The following ARHGAP10 variants were observed in gnomAD, a reference collection of about 807,000 sequenced individuals.
ARHGAP10 encodes rho GTPase-activating protein 10.
ARHGAP10 carries 87 observed loss-of-function variants against 108.6 expected under a neutral mutation model. The observed-to-expected ratio is 0.80, with a 90% CI of 0.67 to 0.96. ARHGAP10 has a LOEUF of 0.96. ARHGAP10 is among the 40% of genes least tolerant of loss of function. The probability of loss-of-function intolerance (pLI) is 0.00; values close to 1 mark genes in which losing one functional copy is unlikely to be tolerated. For missense variants in ARHGAP10, 939 were observed against 954.5 expected (o/e 0.98, Z 0.21); for synonymous variants, 347 against 341.1 (o/e 1.02, Z -0.19).
At position 148,072,364 on chromosome 4, in the gene ARHGAP10, G is replaced by C; in HGVS notation, c.*283G>C. 1 of 368,730 alleles carries C rather than the reference G, an allele frequency of 2.7e-6. No individual in the cohort carries two copies. The highest frequency in any genetic ancestry group is 4.5e-5 in the East Asian group (1 of 22,352). 22.8% of individuals were successfully genotyped at this position (368,730 alleles called of 1,614,324 possible). A position where few individuals can be genotyped will look rare whatever the true frequency, so the allele number is the denominator to read the frequency against. On this transcript the variant is annotated 3_prime_UTR_variant, in exon 23 of 23. Coordinates refer to ENST00000336498, the MANE Select transcript of ARHGAP10 (RefSeq NM_024605.4). ...GTGATTTTTAATTATCCAGCATATA[G>C]AATGAGAGGGAGGGCAGCCTTCTGC...
At chr4:147,958,478 T>A (rs1381893990) in intron 16 of ARHGAP10, among the ~76,000 whole-genome samples, 1 of 152,220 alleles carries the variant, frequency 6.6e-6, no homozygotes, top group African/African-American at 2.4e-5. Context: ...TCCAAGACAT[T>A]GGTGTTTACC....
rs1227374292 is a variant in ARHGAP10 at position 147,965,012 on chromosome 4, T to G, written c.1451-12T>G. 6 of 1,520,572 alleles carry G rather than the reference T, an allele frequency of 3.9e-6. No homozygotes were observed. Among genetic ancestry groups the G allele is most frequent in the Non-Finnish European group, 5.3e-6 (6 of 1,136,588 alleles). The allele number at this position is 1,520,572 out of a possible 1,614,324, so 94.2% of individuals were successfully genotyped here. A position where few individuals can be genotyped will look rare whatever the true frequency, so the allele number is the denominator to read the frequency against. On this transcript the variant is annotated splice_polypyrimidine_tract_variant and intron_variant, in intron 16 of 22. Coordinates refer to ENST00000336498, the MANE Select transcript of ARHGAP10 (RefSeq NM_024605.4). ...TTTATTTTTTTCTTTATTATTATTT[T>G]TTTTTTGGAAGAAAGCGGCAGCCCA...
intron 8 of ARHGAP10, among the ~76,000 whole-genome samples, chr4:147,876,176 C>T (rs1579147874): frequency 6.6e-6 from 1 of 152,318 alleles, no homozygotes; most frequent in East Asian, 1.9e-4. Flanking sequence ...CTTATTTAAT[C>T]TGGAATCTCG....
chr4:147,896,752 T>A (rs900199384), intron 10 of ARHGAP10, among the ~76,000 whole-genome samples: 1 of 152,178 alleles, frequency 6.6e-6, no homozygotes, highest in African/African-American at 2.4e-5. Context: ...GGCATTTGAA[T>A]CTATAAGTTT....
chr4:148,020,495 A>G (rs1741524391), intron 18 of ARHGAP10, among the ~76,000 whole-genome samples: 1 of 150,634 alleles, frequency 6.6e-6, no homozygotes, highest in South Asian at 2.1e-4. Context: ...CCAGGTGTCC[A>G]TGGGTTCTCT....
chr4:147,769,285 A>T (rs1368366425), intron 1 of ARHGAP10, among the ~76,000 whole-genome samples: 1 of 152,220 alleles, frequency 6.6e-6, no homozygotes, highest in African/African-American at 2.4e-5. Context: ...GAAGGTAATT[A>T]GGGAAATTAC....
At chr4:147,934,000 G>A (rs1474305885) in intron 13 of ARHGAP10, among the ~76,000 whole-genome samples, 2 of 152,168 alleles carry the variant, frequency 1.3e-5, no homozygotes, top group South Asian at 2.1e-4. Context: ...CCCAGGCTGC[G>A]AGACATGGGT....
chr4:147,824,580 T>G (rs1358082951), intron 3 of ARHGAP10, among the ~76,000 whole-genome samples: 1 of 152,144 alleles, frequency 6.6e-6, no homozygotes, highest in Non-Finnish European at 1.5e-5. Flanking sequence ...TGGGGAGGCC[T>G]CGGGAAACTT....
chr4:148,057,887 G>T (rs1211274698), intron 20 of ARHGAP10, among the ~76,000 whole-genome samples: 1 of 152,214 alleles, frequency 6.6e-6, no homozygotes, highest in African/African-American at 2.4e-5. Flanking sequence ...GACTGTAAAT[G>T]ATGAGCCAGT....
intron 14 of ARHGAP10, among the ~76,000 whole-genome samples, chr4:147,945,395 A>T (rs752779273): frequency 2.6e-5 from 4 of 152,038 alleles, no homozygotes; most frequent in Non-Finnish European, 5.9e-5. Context: ...CTGACTTACC[A>T]TTTGAAAGGA....
chr4:148,025,446 TGATAA>T (rs1741731341), intron 19 of ARHGAP10, among the ~76,000 whole-genome samples: 1 of 152,114 alleles, frequency 6.6e-6, no homozygotes, highest in African/African-American at 2.4e-5. Flanking sequence ...AGAGGTTATA[TGATAA>T]GATAAAGCAA....
intron 5 of ARHGAP10, among the ~76,000 whole-genome samples, chr4:147,860,423 C>T (rs1203242638): frequency 1.3e-5 from 2 of 151,994 alleles, no homozygotes; most frequent in African/African-American, 4.8e-5. Flanking sequence ...GCCTGGGCGA[C>T]AGCTCCGTCT....
Position 147,732,298 on chromosome 4 carries a change from C to A in ARHGAP10, c.-4C>A, listed in dbSNP as rs778506235. 2.5e-6 allele frequency: 4 copies of A among 1,606,952 alleles called. No individual in the cohort carries two copies. The highest frequency in any genetic ancestry group is 3.4e-6 in the Non-Finnish European group (4 of 1,177,376). On this transcript the variant is annotated 5_prime_UTR_variant, in exon 1 of 23. Transcript: ENST00000336498. ...GTGCGCACCGCGCAGCGACCGCTGCCGTCATGGGGCTGCAGCCCCTGGAGT... is the reference window on the plus strand; with the variant it reads ...GTGCGCACCGCGCAGCGACCGCTGCAGTCATGGGGCTGCAGCCCCTGGAGT...
intron 13 of ARHGAP10, among the ~76,000 whole-genome samples, chr4:147,914,556 TCCC>T (rs33937677): frequency 1.7e-3 from 210 of 120,098 alleles, no homozygotes; most frequent in South Asian, 0.016. Context: ...TGTTCTGCGC[TCCC>T]CCCCCCCCCT....
intron 1 of ARHGAP10, among the ~76,000 whole-genome samples, chr4:147,763,260 A>G (rs1729660433): frequency 1.3e-5 from 2 of 151,982 alleles, no homozygotes; most frequent in Non-Finnish European, 2.9e-5. Flanking sequence ...ATGTACTAAA[A>G]CAAGTTTGCT....
intron 13 of ARHGAP10, among the ~76,000 whole-genome samples, chr4:147,933,757 G>A (rs186262610): frequency 6.8e-4 from 104 of 152,294 alleles, no homozygotes; most frequent in Middle Eastern, 3.4e-3. Context: ...TCTCTGCATG[G>A]GTGGGATGAA....
chr4:147,845,940 G>A (rs2126816125), intron 3 of ARHGAP10, among the ~76,000 whole-genome samples: 1 of 152,272 alleles, frequency 6.6e-6, no homozygotes, highest in South Asian at 2.1e-4. Flanking sequence ...ATTGCTGTAG[G>A]TCACATGGTC....
At chr4:147,936,992 G>A (rs149140992) in intron 13 of ARHGAP10, among the ~76,000 whole-genome samples, 461 of 152,300 alleles carry the variant, frequency 3.0e-3, no homozygotes, top group African/African-American at 0.011. Flanking sequence ...AACTGCACAT[G>A]TGAGTGATCT....
At chr4:147,928,987 A>G (rs891683386) in intron 13 of ARHGAP10, among the ~76,000 whole-genome samples, 3 of 152,358 alleles carry the variant, frequency 2.0e-5, no homozygotes, top group South Asian at 2.1e-4. Context: ...GCTAGGTCAC[A>G]TAGCTAGAAG....
Sources: gnomAD v4.1 joint callset for allele counts (sites outside exome capture counted in the v4.1 genomes callset) on GRCh38, gnomAD v4.1.1 for gene constraint, MANE v1.5 for transcripts, NCBI Gene and HGNC (gene_info 2026-07-23, HGNC 2026-07-21) for gene names.